The following MUC3A variants were observed in gnomAD, a reference collection of about 807,000 sequenced individuals.
MUC3A encodes the protein mucin 3A, cell surface associated, also known as mucin-3A.
In MUC3A, 109 loss-of-function variants were observed where a neutral mutation model predicts 109.0. The observed-to-expected ratio is 1.00, with a 90% CI of 0.86 to 1.17. MUC3A has a LOEUF of 1.17. Among genes scored for constraint, MUC3A ranks in the 50% most tolerant of loss-of-function variants. The pLI, the probability that MUC3A is intolerant of heterozygous loss-of-function variation, is 0.00. For missense variants in MUC3A, 3,537 were observed against 2,469.4 expected (o/e 1.43, Z -9.16); for synonymous variants, 1,398 against 981.4 (o/e 1.42, Z -7.93).
At chr7:100,963,328 C>A in intron 4 of MUC3A, 62 bp downstream of exon 4, 1 of 1,246,490 alleles carries the variant, frequency 8.0e-7, no homozygotes, top group Non-Finnish European at 1.1e-6. Context: ...CACTCTCACC[C>A]TGGCTGGAGT....
rs1198684725 is a variant in MUC3A at position 100,952,533 on chromosome 7, G to C, written c.754G>C (p.Ala252Pro). The C allele has an allele frequency of 6.3e-7, 1 of 1,598,374 alleles. No individual in the cohort carries two copies. Among genetic ancestry groups the C allele is most frequent in the Non-Finnish European group, 8.5e-7 (1 of 1,179,752 alleles). ...PTPVFTTLKT[A>P]VTSTSPITSS... ...CCCAGTATTTACTACTCTCAAAACA[G>C]CAGTGACTTCCACTTCCCCCATCAC... is the stretch of plus-strand genomic sequence containing the variant. The change falls in exon 2 of 12, where the codon GCA becomes CCA. Residue 252 changes from alanine to proline, a missense_variant. Transcript: ENST00000379458.
rs1005908468 is a variant in MUC3A at position 100,957,628 on chromosome 7, C to A, written c.5849C>A (p.Thr1950Asn). Residue 1950 changes from threonine (T) to asparagine (N), a missense_variant, in exon 2 of 12, where the codon ACC becomes AAC. By Grantham distance (65) the Thr-to-Asn change is moderately conservative (BLOSUM62 0). Transcript: ENST00000379458. ...ACTTCTTCAATCACCAATACCAAGA[C>A]CACCTCACACAGCTCTCCCAGCTTC... is the stretch of plus-strand genomic sequence containing the variant. ...RFTSSITNTK[T>N]TSHSSPSFTS... The A allele has an allele frequency of 1.0e-5, 16 of 1,564,406 alleles. No homozygotes were observed. Among genetic ancestry groups the A allele is most frequent in the African/African-American group, 4.3e-5 (3 of 69,332 alleles).
Position 100,949,559 on chromosome 7 carries a change from G to A in MUC3A, c.-66G>A. On this transcript the variant is annotated 5_prime_UTR_variant, in exon 1 of 12. Coordinates refer to ENST00000379458, the MANE Select transcript of MUC3A (RefSeq NM_005960.2). Reference sequence around the variant, plus strand: ...ACTTTCATTACGTGCACGCCCCAGGGCCACGTCCCTGCCGCTGTCTTGGTC... The same window carrying A: ...ACTTTCATTACGTGCACGCCCCAGGACCACGTCCCTGCCGCTGTCTTGGTC... 9.1e-7 allele frequency: 1 copy of A among 1,096,220 alleles called. No homozygotes were observed. Among genetic ancestry groups the A allele is most frequent in the Non-Finnish European group, 1.1e-6 (1 of 886,068 alleles). The allele number at this position is 1,096,220 out of a possible 1,614,324, so 67.9% of individuals were successfully genotyped here. A position where few individuals can be genotyped will look rare whatever the true frequency, so the allele number is the denominator to read the frequency against.
Position 100,955,436 on chromosome 7 carries a change from C to T in MUC3A, c.3657C>T (p.Asp1219=). 5.1e-6 allele frequency: 3 copies of T among 590,432 alleles called. No individual in the cohort carries two copies. In the African/African-American group the frequency reaches 5.7e-5, roughly 11 times the overall value. 36.6% of individuals were successfully genotyped at this position (590,432 alleles called of 1,614,324 possible). ...GSTGFLTTAT[D]LTSTFTVSSS... is the part of the protein sequence containing the mutation. ...CCGGTTTCCTGACTACAGCAACAGA[C>T]CTCACATCAACATTCACTGTTTCCA... Residue 1219 remains aspartate, a synonymous_variant, in exon 2 of 12, where the codon GAC becomes GAT. Coordinates refer to ENST00000379458, the MANE Select transcript of MUC3A (RefSeq NM_005960.2).
chr7:100,965,887 G>T (rs73163798), intron 8 of MUC3A, 21 bp downstream of exon 8: 3 of 1,571,548 alleles, frequency 1.9e-6, no homozygotes, highest in Non-Finnish European at 2.6e-6. Context: ...GCTCACCATC[G>T]GCATCAGCCG....
Position 100,965,779 on chromosome 7 carries a change from G to C in MUC3A, c.9524G>C (p.Cys3175Ser). ...TTGGTGGAGGCCACCCGGCTCCGCT[G>C]TGTCACCAAATGCACGTCGGGGGTG... ...FPLVEATRLR[C>S]VTKCTSGVDN... Residue 3175 changes from cysteine (C) to serine (S), a missense_variant, in exon 8 of 12, where the codon TGT becomes TCT. Coordinates refer to ENST00000379458, the MANE Select transcript of MUC3A (RefSeq NM_005960.2). 1 of 1,598,054 alleles carries C rather than the reference G, an allele frequency of 6.3e-7. No homozygotes were observed. The highest frequency in any genetic ancestry group is 8.5e-7 in the Non-Finnish European group (1 of 1,179,410).
rs1232665516 is a variant in MUC3A at position 100,966,883 on chromosome 7, T to TC, written c.9878-14dup. 6.3e-7 allele frequency: 1 copy of TC among 1,598,520 alleles called. No individual in the cohort carries two copies. ...TCCCTCTCCCCTTCTCTTTCTCCGC[T>TC]CCTCTCTCTCTCTAGACAAGGATAC... On this transcript the variant is annotated splice_polypyrimidine_tract_variant and intron_variant, in intron 10 of 11. Coordinates refer to ENST00000379458, the MANE Select transcript of MUC3A (RefSeq NM_005960.2).
intron 6 of MUC3A, 163 bp downstream of exon 6, chr7:100,965,006 G>C: frequency 8.1e-7 from 1 of 1,236,020 alleles, no homozygotes; most frequent in East Asian, 2.5e-5. Context: ...GGTGGGGCTA[G>C]GGAGGGTCTC....
At chr7:100,964,538 C>G in intron 5 of MUC3A, 157 bp from the exon 6 acceptor site, 2 of 1,251,376 alleles carry the variant, frequency 1.6e-6, no homozygotes, top group Admixed American at 2.8e-5. Context: ...GTCAGGAATG[C>G]TGGCAGCCCC....
Position 100,966,552 on chromosome 7 carries a change from C to G in MUC3A, c.9778C>G (p.Arg3260Gly), listed in dbSNP as rs1488402988. 6.4e-6 allele frequency: 9 copies of G among 1,414,536 alleles called. No homozygotes were observed. The African/African-American group carries it at 7.4e-5, about 12-fold the overall frequency. The allele number at this position is 1,414,536 out of a possible 1,614,324, so 87.6% of individuals were successfully genotyped here. A position where few individuals can be genotyped will look rare whatever the true frequency, so the allele number is the denominator to read the frequency against. ...VRSGWWGGQR[R>G]GRSWDQDRKW... is the part of the protein sequence containing the mutation. ...CTCCGGATGGTGGGGCGGCCAGCGCCGAGGCCGGTGAGCGTGCGGGGGGCG... is the reference window on the plus strand; with the variant it reads ...CTCCGGATGGTGGGGCGGCCAGCGCGGAGGCCGGTGAGCGTGCGGGGGGCG... The change falls in exon 9 of 12, where the codon CGA becomes GGA. Residue 3260 changes from arginine to glycine, a missense_variant. By Grantham distance (125) the Arg-to-Gly change is moderately radical. Coordinates refer to ENST00000379458, the MANE Select transcript of MUC3A (RefSeq NM_005960.2).
chr7:100,963,057 C>T, intron 3 of MUC3A, 94 bp from the exon 4 acceptor site: 3 of 1,388,430 alleles, frequency 2.2e-6, no homozygotes, highest in Non-Finnish European at 3.0e-6. Flanking sequence ...TGGAGGGGAG[C>T]AGCAGGAGGA....
chr7:100,959,707 C>T lies in MUC3A; in HGVS notation c.7928C>T (p.Pro2643Leu), dbSNP rs749803528. ...CATTCCTCCACCCTTCAAACAACTC[C>T]TTCTACTCCCTCATTGCAAACTTCA... ...STHSSTLQTTPSTPSLQTSLT... is the reference protein window; with the variant it reads ...STHSSTLQTTLSTPSLQTSLT... The change falls in exon 2 of 12, where the codon CCT becomes CTT. Residue 2643 changes from proline to leucine, a missense_variant. Pro to Leu is a moderately conservative substitution (Grantham distance 98, BLOSUM62 -3). Coordinates refer to ENST00000379458, the MANE Select transcript of MUC3A (RefSeq NM_005960.2). 2.5e-6 allele frequency: 4 copies of T among 1,598,426 alleles called. No homozygotes were observed. The highest frequency in any genetic ancestry group is 3.4e-6 in the Non-Finnish European group (4 of 1,179,828).
At chr7:100,962,545 G>A (rs1175807803) in intron 3 of MUC3A, among the ~76,000 whole-genome samples, 1 of 152,312 alleles carries the variant, frequency 6.6e-6, no homozygotes, top group Admixed American at 6.5e-5. Context: ...CACTATGGGG[G>A]CAGCCAGGAG....
rs977648613 is a variant in MUC3A at position 100,963,165 on chromosome 7, G to A, written c.9067G>A (p.Glu3023Lys). ...EQVDLDVVET[E>K]VGMEVSVDQQ... The stretch of plus-strand genomic sequence containing the variant: ...GCTCTGTGTAGATGTAGTGGAGACC[G>A]AGGTGGGCATGGAAGTGTCTGTGGA... Residue 3023 changes from glutamate to lysine, a missense_variant, in exon 4 of 12, where the codon GAG (glutamate) becomes AAG (lysine). Physicochemically the swap from Glu to Lys is moderately conservative, Grantham distance 56. Transcript: ENST00000379458. 3.2e-6 allele frequency: 5 copies of A among 1,586,926 alleles called. No individual in the cohort carries two copies. Among genetic ancestry groups the A allele is most frequent in the African/African-American group, 1.3e-5 (1 of 74,464 alleles).
Position 100,959,927 on chromosome 7 carries a change from T to C in MUC3A, c.8148T>C (p.Ile2716=). 6.6e-7 allele frequency: 1 copy of C among 1,513,880 alleles called. No individual in the cohort carries two copies. The highest frequency in any genetic ancestry group is 8.8e-7 in the Non-Finnish European group (1 of 1,142,166). 93.8% of individuals were successfully genotyped at this position (1,513,880 alleles called of 1,614,324 possible). The change falls in exon 2 of 12, where the codon ATT becomes ATC. Residue 2716 remains isoleucine, a synonymous_variant. Coordinates refer to ENST00000379458, the MANE Select transcript of MUC3A (RefSeq NM_005960.2). ...TIHSVPSSPY[I]FSTENVGSAS... ...ATTCTGTTCCTTCTTCACCATACAT[T>C]TTCAGTACAGAAAATGTGGGCTCCG...
In MUC3A at chr7:100,967,703, T is replaced by G. The variant is rs1387112946; in HGVS notation, c.*541T>G. ...TGATCTAACTCCCTGCTGCATCTCT[T>G]GCTCTCATTCCTTAGACGTCCTCCC... On this transcript the variant is annotated 3_prime_UTR_variant, in exon 12 of 12. Coordinates refer to ENST00000379458, the MANE Select transcript of MUC3A (RefSeq NM_005960.2). 4.9e-6 allele frequency: 1 copy of G among 204,590 alleles called. No individual in the cohort carries two copies. The highest frequency in any genetic ancestry group is 2.3e-5 in the African/African-American group (1 of 42,698). The allele number at this position is 204,590 out of a possible 1,614,324, so 12.7% of individuals were successfully genotyped here. A position where few individuals can be genotyped will look rare whatever the true frequency, so the allele number is the denominator to read the frequency against.
chr7:100,965,048 C>T (rs973853315), intron 6 of MUC3A: 4 of 1,098,424 alleles, frequency 3.6e-6, no homozygotes, highest in Non-Finnish European at 5.1e-6. Flanking sequence ...AAGAGACCCC[C>T]TGATTGTCAT....
chr7:100,963,557 T>C, intron 4 of MUC3A, 131 bp from the exon 5 acceptor site: 3 of 1,398,342 alleles, frequency 2.1e-6, no homozygotes, highest in Non-Finnish European at 3.0e-6. Flanking sequence ...AGTGTTGGGA[T>C]TACAGGCGTG....
At chr7:100,949,826 G>A in intron 1 of MUC3A, 141 bp downstream of exon 1, 1 of 684,686 alleles carries the variant, frequency 1.5e-6, no homozygotes, top group Non-Finnish European at 2.1e-6. Flanking sequence ...GGAGAACCGA[G>A]GCACGGCCTG....
Sources: gnomAD v4.1 joint callset for allele counts (sites outside exome capture counted in the v4.1 genomes callset) on GRCh38, gnomAD v4.1.1 for gene constraint, MANE v1.5 for transcripts, NCBI Gene and HGNC (gene_info 2026-07-23, HGNC 2026-07-21) for gene names.